DHX57: variants seen among roughly 807,000 people sequenced by gnomAD.
DHX57 encodes putative ATP-dependent RNA helicase DHX57.
Under a neutral mutation model 156.2 loss-of-function variants are expected in DHX57, and 105 were observed. The observed-to-expected ratio is 0.67, with a 90% CI of 0.57 to 0.79. The LOEUF is 0.79. Ranked by LOEUF, DHX57 falls within the 30% of genes least tolerant of loss-of-function variation. DHX57 has a pLI of 0.00. For synonymous variants in DHX57, 704 were observed against 595.6 expected (o/e 1.18, Z -2.65); for missense variants, 1,847 against 1,661.9 (o/e 1.11, Z -1.94).
In DHX57 at chr2:38,861,620, T is replaced by C; in HGVS notation, c.790A>G (p.Ile264Val). 6.2e-7 allele frequency: 1 copy of C among 1,614,196 alleles called. No individual in the cohort carries two copies. Among genetic ancestry groups the C allele is most frequent in the East Asian group, 2.2e-5 (1 of 44,884 alleles). Residue 264 changes from isoleucine (I) to valine (V), a missense_variant, in exon 5 of 24, where the codon ATA becomes GTA. Transcript: ENST00000457308. ...CAGACTCTGTTCTGAATTCTTTCTA[T>C]AAATTTTTCTCCACAGATGGACTTG... Reference protein sequence around the residue: ...ALKSICGEKFIERIQNRVWTI... With the variant: ...ALKSICGEKFVERIQNRVWTI...
intron 12 of DHX57, among the ~76,000 whole-genome samples, chr2:38,839,719 CAAA>C (rs778698613): frequency 8.0e-5 from 8 of 100,204 alleles, no homozygotes; most frequent in Admixed American, 2.2e-4. Flanking sequence ...GACTCCGTCT[CAAA>C]AAAAAAAAAA....
rs1368314736 is a variant in DHX57 at position 38,858,774 on chromosome 2, C to T, written c.1474G>A (p.Glu492Lys). 3 of 1,614,116 alleles carry T rather than the reference C, an allele frequency of 1.9e-6. No homozygotes were observed. The highest frequency in any genetic ancestry group is 2.5e-6 in the Non-Finnish European group (3 of 1,180,020). ...EDDGPAPVIVENESYVNLKKK... is the reference protein window; with the variant it reads ...EDDGPAPVIVKNESYVNLKKK... ...TTAAGGTTCACATAGCTTTCATTCT[C>T]TACTATAACAGGTGCAGGACCGTCA... Residue 492 changes from glutamate (E) to lysine (K), a missense_variant, in exon 6 of 24, where the codon GAG (glutamate) becomes AAG (lysine). By Grantham distance (56) the Glu-to-Lys change is moderately conservative. Coordinates refer to ENST00000457308, the MANE Select transcript of DHX57 (RefSeq NM_198963.3).
chr2:38,815,791 T>C (rs1670518529), intron 19 of DHX57, 136 bp from the exon 20 acceptor site: 2 of 1,071,354 alleles, frequency 1.9e-6, no homozygotes, highest in South Asian at 3.2e-5. Context: ...TCCTCAGGTA[T>C]GAAGAGGATC....
intron 1 of DHX57, among the ~76,000 whole-genome samples, chr2:38,875,110 G>A (rs572251946): frequency 2.0e-5 from 3 of 152,278 alleles, no homozygotes; most frequent in African/African-American, 4.8e-5. Context: ...CATTTTAAAC[G>A]AAGATTTACT....
intron 12 of DHX57, chr2:38,838,912 G>C (rs1671831088): frequency 7.1e-6 from 2 of 283,500 alleles, no homozygotes; most frequent in Non-Finnish European, 1.4e-5. Context: ...TGTACTACAA[G>C]CCTCGGCTCT....
At chr2:38,848,748 A>G (rs574094003) in intron 9 of DHX57, among the ~76,000 whole-genome samples, 1 of 152,318 alleles carries the variant, frequency 6.6e-6, no homozygotes, top group East Asian at 1.9e-4. Context: ...GCCTAAAGGT[A>G]ACTGTATATA....
rs1670982790 is a variant in DHX57 at position 38,824,293 on chromosome 2, A to T, written c.3015-1024T>A. ...AATGCTGGATGGTTCTACTTGTATG[A>T]GGTATCTAAAATAGTCAAACTCACA... On this transcript the variant is annotated intron_variant, in intron 16 of 23. Coordinates refer to ENST00000457308, the MANE Select transcript of DHX57 (RefSeq NM_198963.3). 4.6e-5 allele frequency among the ~76,000 whole-genome samples: 7 copies of T among 152,212 alleles called. 1 individual carries two copies. The South Asian group carries it at 1.4e-3, about 31-fold the overall frequency.
intron 9 of DHX57, among the ~76,000 whole-genome samples, chr2:38,850,458 C>T (rs1049710993): frequency 6.6e-6 from 1 of 151,776 alleles, no homozygotes; most frequent in Admixed American, 6.6e-5. Context: ...GATGGTGTCT[C>T]CCTATATTGC....
intron 21 of DHX57, among the ~76,000 whole-genome samples, chr2:38,809,099 TTA>T (rs1294795991): frequency 6.6e-6 from 1 of 152,112 alleles, no homozygotes; most frequent in Non-Finnish European, 1.5e-5. Context: ...TCTGGCAGTA[TTA>T]TAATTTTTAA....
At chr2:38,803,448 A>C (rs1669792703) in intron 22 of DHX57, among the ~76,000 whole-genome samples, 1 of 151,898 alleles carries the variant, frequency 6.6e-6, no homozygotes, top group African/African-American at 2.4e-5. Flanking sequence ...TTCAAATTAC[A>C]AAATGCCTTG....
chr2:38,827,225 C>A (rs1259390515), intron 14 of DHX57, among the ~76,000 whole-genome samples: 1 of 151,610 alleles, frequency 6.6e-6, no homozygotes, highest in Non-Finnish European at 1.5e-5. Context: ...AAACCTCATA[C>A]CAACTTGGGA....
At chr2:38,810,699 C>T in intron 21 of DHX57, 1 of 732,376 alleles carries the variant, frequency 1.4e-6, no homozygotes, top group Non-Finnish European at 2.5e-6. Flanking sequence ...GAGGGTTGTG[C>T]CAGAAACCGG....
At chr2:38,867,504 AAT>A (rs1665140664) in intron 2 of DHX57, among the ~76,000 whole-genome samples, 1 of 152,206 alleles carries the variant, frequency 6.6e-6, no homozygotes, top group Non-Finnish European at 1.5e-5. Context: ...TTGGCTGGAA[AAT>A]ACACAGCTCA....
intron 6 of DHX57, 29 bp from the exon 7 acceptor site, chr2:38,856,490 T>A (rs1337870633): frequency 6.4e-7 from 1 of 1,563,006 alleles, no homozygotes; most frequent in Admixed American, 2.1e-5. Flanking sequence ...AGATATCAGT[T>A]GGGTTACTTT....
In DHX57 at chr2:38,844,165, T is replaced by C. The variant is rs187690325; in HGVS notation, c.2220-955A>G. 9.5e-3 allele frequency among the ~76,000 whole-genome samples: 1,443 copies of C among 152,358 alleles called. 12 individuals are homozygous for C. Among genetic ancestry groups the C allele is most frequent in the South Asian group, 0.028 (136 of 4,830 alleles). On this transcript the variant is annotated intron_variant, in intron 11 of 23. Transcript: ENST00000457308. ...GTTTGTTTATTGAATATTTACTGAATGCCTATTTTGGACAAGGGACTATGG... is the reference window on the plus strand; with the variant it reads ...GTTTGTTTATTGAATATTTACTGAACGCCTATTTTGGACAAGGGACTATGG...
chr2:38,827,701 G>A (rs1671174228), intron 14 of DHX57, among the ~76,000 whole-genome samples: 1 of 151,476 alleles, frequency 6.6e-6, no homozygotes, highest in Non-Finnish European at 1.5e-5. Context: ...CACCCAGTGT[G>A]TCTTGCTCCT....
chr2:38,803,447 C>T (rs1210150936), intron 22 of DHX57, among the ~76,000 whole-genome samples: 1 of 151,968 alleles, frequency 6.6e-6, no homozygotes, highest in Non-Finnish European at 1.5e-5. Flanking sequence ...TTTCAAATTA[C>T]AAAATGCCTT....
chr2:38,853,560 C>T (rs1672725180), intron 9 of DHX57: 1 of 152,258 alleles, frequency 6.6e-6, no homozygotes, highest in African/African-American at 2.4e-5. Context: ...TGCTTGTTTA[C>T]TTGTTCATTA....
chr2:38,811,503 G>T, intron 21 of DHX57: 1 of 838,504 alleles, frequency 1.2e-6, no homozygotes. Context: ...AAGGTTCAGT[G>T]CCTTCTTCCT....
Sources: allele counts gnomAD v4.1 joint callset (sites outside exome capture counted in the v4.1 genomes callset), GRCh38; gene constraint gnomAD v4.1.1; transcripts MANE v1.5; gene names NCBI Gene and HGNC (gene_info 2026-07-23, HGNC 2026-07-21).